The following DHX15 variants were observed in gnomAD, a reference collection of about 807,000 sequenced individuals.
DHX15 encodes the protein ATP-dependent RNA helicase DHX15.
A neutral mutation model predicts 94.4 loss-of-function variants in DHX15; 11 were observed. That is an observed-to-expected ratio of 0.12 (90% CI 0.07 to 0.19). The LOEUF (loss-of-function observed/expected upper bound fraction) is 0.19, where lower values mean the gene tolerates loss of function less well. Ranked by LOEUF, DHX15 falls within the 10% of genes least tolerant of loss-of-function variation. The probability of loss-of-function intolerance (pLI) is 1.00; values close to 1 mark genes in which losing one functional copy is unlikely to be tolerated. For synonymous variants in DHX15, 338 were observed against 329.9 expected (o/e 1.02, Z -0.27); for missense variants, 304 against 988.5 (o/e 0.31, Z 9.29).
intron 12 of DHX15, among the ~76,000 whole-genome samples, chr4:24,531,741 G>C (rs1211128481): frequency 6.6e-6 from 1 of 151,848 alleles, no homozygotes; most frequent in East Asian, 1.9e-4. Context: ...CCCTAAAAAA[G>C]AACAGAACAT....
intron 3 of DHX15, among the ~76,000 whole-genome samples, chr4:24,558,868 C>T (rs2109410137): frequency 6.6e-6 from 1 of 152,250 alleles, no homozygotes; most frequent in East Asian, 1.9e-4. Context: ...GACTAGGTAT[C>T]ACTGTACTGA....
chr4:24,579,101 T>C (rs776541920), intron 1 of DHX15, among the ~76,000 whole-genome samples: 6 of 152,196 alleles, frequency 3.9e-5, no homozygotes, highest in African/African-American at 9.7e-5. Flanking sequence ...GGTTAGCTGC[T>C]GATCAAGCAA....
intron 1 of DHX15, among the ~76,000 whole-genome samples, chr4:24,577,277 T>A: frequency 6.6e-6 from 1 of 152,222 alleles, no homozygotes; most frequent in East Asian, 1.9e-4. Context: ...AAGAGCATAG[T>A]ACAATGTTAT....
chr4:24,584,524 A>T lies in DHX15; in HGVS notation c.-131T>A. 1.1e-6 allele frequency: 1 copy of T among 884,388 alleles called. No individual in the cohort carries two copies. Among genetic ancestry groups the T allele is most frequent in the South Asian group, 1.9e-5 (1 of 52,166 alleles). The allele number at this position is 884,388 out of a possible 1,614,324, so 54.8% of individuals were successfully genotyped here. A position where few individuals can be genotyped will look rare whatever the true frequency, so the allele number is the denominator to read the frequency against. On this transcript the variant is annotated 5_prime_UTR_variant, in exon 1 of 14. Transcript: ENST00000336812. Reference sequence around the variant, plus strand: ...ACTACAGCCCACACGGTGCGGCCGGAACCAACAGCTAAAATGGCGGCGGCG... The same window carrying T: ...ACTACAGCCCACACGGTGCGGCCGGTACCAACAGCTAAAATGGCGGCGGCG...
chr4:24,542,475 G>GT (rs1365374363), intron 7 of DHX15, among the ~76,000 whole-genome samples: 24 of 152,006 alleles, frequency 1.6e-4, no homozygotes, highest in African/African-American at 5.6e-4. Flanking sequence ...AAAATAAAAC[G>GT]TATTTATTGA....
In DHX15 at chr4:24,576,686, C is replaced by G. The variant is rs1722274924; in HGVS notation, c.72-8G>C. The G allele has an allele frequency of 6.2e-7, 1 of 1,606,934 alleles. No individual in the cohort carries two copies. ...TCTCGATCTCGATCCTTCCTAAAAA[C>G]AAAAATTTAGAATTCAGATTCTGAA... On this transcript the variant is annotated splice_polypyrimidine_tract_variant and splice_region_variant and intron_variant, in intron 1 of 13. Transcript: ENST00000336812.
At chr4:24,532,730 T>C (rs1577331568) in intron 12 of DHX15, 134 bp downstream of exon 12, 1 of 639,432 alleles carries the variant, frequency 1.6e-6, no homozygotes, top group East Asian at 2.5e-5. Context: ...AGAAACTGGA[T>C]GTACCAACAT....
Position 24,574,205 on chromosome 4 carries a change from C to CAAAAAAAAAAA in DHX15, c.507+2027_507+2037dup, listed in dbSNP as rs61031930. ...TGGGTGACAGAGCGAGACTTTGTCT[C>CAAAAAAAAAAA]AAAAAAAAAAAAAAAAAAAAAAAGT... On this transcript the variant is annotated intron_variant, in intron 2 of 13. Transcript: ENST00000336812. Among the ~76,000 whole-genome samples, 476 of 68,834 alleles carry CAAAAAAAAAAA rather than the reference C, an allele frequency of 6.9e-3. 41 individuals carry two copies. Among genetic ancestry groups the CAAAAAAAAAAA allele is most frequent in the African/African-American group, 0.022 (397 of 18,296 alleles). 45.2% of individuals were successfully genotyped at this position (68,834 alleles called of 152,430 possible). A position where few individuals can be genotyped will look rare whatever the true frequency, so the allele number is the denominator to read the frequency against.
intron 1 of DHX15, among the ~76,000 whole-genome samples, chr4:24,577,247 C>T (rs1354266158): frequency 1.3e-5 from 2 of 152,136 alleles, no homozygotes; most frequent in Non-Finnish European, 2.9e-5. Context: ...GGACGATGTT[C>T]GGTTGTAATG....
intron 3 of DHX15, 102 bp from the exon 4 acceptor site, chr4:24,556,512 T>TA: frequency 1.0e-6 from 1 of 981,916 alleles, no homozygotes; most frequent in Non-Finnish European, 1.5e-6. Context: ...AAATTAAAAA[T>TA]AAACTTCTGC....
At chr4:24,545,154 G>A (rs1184340943) in intron 6 of DHX15, among the ~76,000 whole-genome samples, 1 of 152,052 alleles carries the variant, frequency 6.6e-6, no homozygotes, top group Non-Finnish European at 1.5e-5. Context: ...TACAGAAGAC[G>A]TCTTCTGGCT....
At chr4:24,575,834 T>C (rs968477170) in intron 2 of DHX15, among the ~76,000 whole-genome samples, 1 of 152,194 alleles carries the variant, frequency 6.6e-6, no homozygotes, top group Non-Finnish European at 1.5e-5. Flanking sequence ...TGGACAAAAG[T>C]CACCGGTATA....
chr4:24,551,013 T>C (rs961966429), intron 5 of DHX15, among the ~76,000 whole-genome samples: 8 of 152,206 alleles, frequency 5.3e-5, no homozygotes, highest in Non-Finnish European at 1.2e-4. Flanking sequence ...CTGAGAAGTT[T>C]GTCTTGACCA....
At chr4:24,560,954 A>G (rs1721861735) in intron 3 of DHX15, among the ~76,000 whole-genome samples, 1 of 152,236 alleles carries the variant, frequency 6.6e-6, no homozygotes, top group African/African-American at 2.4e-5. Context: ...AAGGGTAAAG[A>G]AACAGATGCT....
chr4:24,528,593 G>C (rs1387801015), intron 13 of DHX15, among the ~76,000 whole-genome samples: 1 of 152,138 alleles, frequency 6.6e-6, no homozygotes, highest in Non-Finnish European at 1.5e-5. Context: ...ATCCGTATAA[G>C]AAAGCAGCTG....
At position 24,576,621 on chromosome 4, in the gene DHX15, T is replaced by G. The variant is rs375366424; in HGVS notation, c.129A>C (p.Glu43Asp). 6.2e-7 allele frequency: 1 copy of G among 1,614,096 alleles called. No individual in the cohort carries two copies. The highest frequency in any genetic ancestry group is 8.5e-7 in the Non-Finnish European group (1 of 1,179,918). The change falls in exon 2 of 14, where the codon GAA becomes GAC. Residue 43 changes from glutamate (E) to aspartate (D), a missense_variant. Physicochemically the swap from Glu to Asp is conservative, Grantham distance 45. Around this residue, in one of 9 missense-constraint regions of DHX15, gnomAD observed 143 missense variants for 200.5 expected, o/e 0.71. Transcript: ENST00000336812. ...CTCGCTCTCTATCTCCTCTATCACG[T>G]TCTCGGTCTCGATCTTTAGACCGAT... is the stretch of plus-strand genomic sequence containing the variant. ...REDRSKDRDR[E>D]RDRGDRERER...
intron 11 of DHX15, among the ~76,000 whole-genome samples, chr4:24,536,008 T>TA (rs534771311): frequency 1.1e-3 from 167 of 149,822 alleles, no homozygotes; most frequent in African/African-American, 2.4e-3. Context: ...GGCTATCAGT[T>TA]AAAAAAAAAA....
chr4:24,552,062 T>G (rs1364188766), intron 5 of DHX15, among the ~76,000 whole-genome samples: 1 of 152,194 alleles, frequency 6.6e-6, no homozygotes, highest in African/African-American at 2.4e-5. Context: ...CTTTAAAACT[T>G]GCAATAAAAA....
intron 3 of DHX15, among the ~76,000 whole-genome samples, chr4:24,564,443 T>C (rs1008760885): frequency 9.8e-5 from 15 of 152,286 alleles, no homozygotes; most frequent in South Asian, 4.1e-4. Flanking sequence ...CAGGAAAGGA[T>C]TGATACTATT....
Sources: gnomAD v4.1 joint callset for allele counts (sites outside exome capture counted in the v4.1 genomes callset) on GRCh38, gnomAD v4.1.1 for gene constraint, gnomAD v4.1.1 regional missense constraint, MANE v1.5 for transcripts, NCBI Gene and HGNC (gene_info 2026-07-23, HGNC 2026-07-21) for gene names.